The following ITFG1 variants were observed in gnomAD, a reference collection of about 807,000 sequenced individuals.
ITFG1 encodes integrin alpha FG-GAP repeat containing 1.
In ITFG1, 34 loss-of-function variants were observed where a neutral mutation model predicts 81.8. The observed-to-expected ratio is 0.42, with a 90% CI of 0.32 to 0.55. The LOEUF is 0.55. Ranked by LOEUF, ITFG1 falls within the 20% of genes least tolerant of loss-of-function variation. The pLI is 0.17. For missense variants in ITFG1, 672 were observed against 755.4 expected (o/e 0.89, Z 1.29); for synonymous variants, 285 against 270.6 (o/e 1.05, Z -0.52).
chr16:47,197,685 A>G (rs555052791), intron 14 of ITFG1, among the ~76,000 whole-genome samples: 2 of 152,286 alleles, frequency 1.3e-5, no homozygotes, highest in East Asian at 3.9e-4. Flanking sequence ...TGGTAGCTCT[A>G]CATCCCTGGT....
chr16:47,252,264 TA>T (rs1416077732), intron 12 of ITFG1, among the ~76,000 whole-genome samples: 4 of 152,106 alleles, frequency 2.6e-5, no homozygotes, highest in Non-Finnish European at 4.4e-5. Flanking sequence ...AAAACAAAAT[TA>T]ATCATCCAGA....
intron 13 of ITFG1, among the ~76,000 whole-genome samples, chr16:47,231,418 A>C (rs536103876): frequency 1.3e-5 from 2 of 152,370 alleles, no homozygotes; most frequent in East Asian, 3.9e-4. Flanking sequence ...AAAAAATCAG[A>C]AAACAGGAAT....
At chr16:47,365,067 A>G (rs1180556946) in intron 8 of ITFG1, among the ~76,000 whole-genome samples, 1 of 152,194 alleles carries the variant, frequency 6.6e-6, no homozygotes, top group Non-Finnish European at 1.5e-5. Flanking sequence ...AGAGGTGGAT[A>G]TTACTGTCAT....
chr16:47,420,214 T>C (rs894862507), intron 6 of ITFG1, among the ~76,000 whole-genome samples: 6 of 152,222 alleles, frequency 3.9e-5, no homozygotes, highest in Admixed American at 3.9e-4. Context: ...CTTGATATGA[T>C]GCCAATTTTT....
At chr16:47,167,688 A>G (rs1368801034) in intron 14 of ITFG1, among the ~76,000 whole-genome samples, 2 of 152,194 alleles carry the variant, frequency 1.3e-5, no homozygotes, top group African/African-American at 4.8e-5. Flanking sequence ...CAGGTGATTA[A>G]AAGCTTTATT....
chr16:47,303,914 G>A lies in ITFG1; in HGVS notation c.1070+7326C>T, dbSNP rs1192874431. ...GAAAGTGCTAGGATTACAGACTTGA[G>A]CCACCACACCTGGCCTGTTAATAAT... is the stretch of plus-strand genomic sequence containing the variant. On this transcript the variant is annotated intron_variant, in intron 10 of 17. Coordinates refer to ENST00000320640, the MANE Select transcript of ITFG1 (RefSeq NM_030790.5). 2.0e-5 allele frequency among the ~76,000 whole-genome samples: 3 copies of A among 152,092 alleles called. No homozygotes were observed. In the East Asian group the frequency reaches 5.8e-4, roughly 29 times the overall value.
At chr16:47,229,288 C>T (rs1596821126) in intron 13 of ITFG1, among the ~76,000 whole-genome samples, 1 of 152,060 alleles carries the variant, frequency 6.6e-6, no homozygotes, top group Middle Eastern at 3.4e-3. Flanking sequence ...TGTCTGAGTG[C>T]CAACCTGAAG....
At position 47,260,556 on chromosome 16, in the gene ITFG1, T is replaced by C. The variant is rs1372429349; in HGVS notation, c.1210A>G (p.Ile404Val). 5.6e-6 allele frequency: 9 copies of C among 1,614,030 alleles called. No individual in the cohort carries two copies. The Admixed American group carries it at 1.0e-4, about 18-fold the overall frequency. Reference sequence around the variant, plus strand: ...AGCTCTGAACTCACATCTTCGTAAATGTCAAAGAAGGTGGCAACCATGGCA... The same window carrying C: ...AGCTCTGAACTCACATCTTCGTAAACGTCAAAGAAGGTGGCAACCATGGCA... ...KDAMVATFFD[I>V]YEDGILDIVV... The change falls in exon 11 of 18, where the codon ATT becomes GTT. Residue 404 changes from isoleucine to valine, a missense_variant. Ile to Val is a conservative substitution (Grantham distance 29, BLOSUM62 3). Around this residue, in one of 3 missense-constraint regions of ITFG1, gnomAD observed 560 missense variants for 625.7 expected, o/e 0.90. Transcript: ENST00000320640.
At chr16:47,156,063 A>G (rs1213811012) in intron 17 of ITFG1, among the ~76,000 whole-genome samples, 2 of 152,230 alleles carry the variant, frequency 1.3e-5, no homozygotes, top group Non-Finnish European at 2.9e-5. Flanking sequence ...CTACTTGAAA[A>G]TAGGAATAAG....
At chr16:47,410,272 C>T (rs1225469505) in intron 6 of ITFG1, among the ~76,000 whole-genome samples, 1 of 151,874 alleles carries the variant, frequency 6.6e-6, no homozygotes, top group African/African-American at 2.4e-5. Context: ...GAGACCCTGT[C>T]TCTAAAAAAA....
At chr16:47,324,322 A>G (rs929769729) in intron 8 of ITFG1, among the ~76,000 whole-genome samples, 1 of 151,976 alleles carries the variant, frequency 6.6e-6, no homozygotes, top group Non-Finnish European at 1.5e-5. Context: ...GCCCTAAAAG[A>G]GCTCCTGAAG....
intron 5 of ITFG1, among the ~76,000 whole-genome samples, chr16:47,436,486 T>C (rs1015175541): frequency 6.6e-6 from 1 of 152,106 alleles, no homozygotes; most frequent in Admixed American, 6.5e-5. Context: ...TTTTTAAGAG[T>C]GATGAACAAA....
chr16:47,211,705 C>T (rs967165300), intron 14 of ITFG1, among the ~76,000 whole-genome samples: 48 of 152,256 alleles, frequency 3.2e-4, no homozygotes, highest in African/African-American at 1.1e-3. Flanking sequence ...ATTTTTATGA[C>T]AGTTTTTATC....
intron 12 of ITFG1, among the ~76,000 whole-genome samples, chr16:47,249,056 T>A (rs2151538056): frequency 6.6e-6 from 1 of 152,370 alleles, no homozygotes; most frequent in Admixed American, 6.5e-5. Context: ...CTAGCTAATT[T>A]TGGCTAACTC....
intron 6 of ITFG1, among the ~76,000 whole-genome samples, chr16:47,414,819 CAAAAT>C (rs965108640): frequency 6.6e-6 from 1 of 152,020 alleles, no homozygotes; most frequent in Admixed American, 6.5e-5. Flanking sequence ...TTAAATAATT[CAAAAT>C]AAAATAAAAT....
intron 15 of ITFG1, among the ~76,000 whole-genome samples, chr16:47,162,206 C>T (rs1964817505): frequency 6.6e-6 from 1 of 151,502 alleles, no homozygotes; most frequent in Admixed American, 6.6e-5. Context: ...ATAAATAATA[C>T]ACATATGTAT....
chr16:47,296,339 T>C (rs1966981337), intron 10 of ITFG1, among the ~76,000 whole-genome samples: 1 of 152,230 alleles, frequency 6.6e-6, no homozygotes, highest in East Asian at 1.9e-4. Flanking sequence ...GTTTCCATTT[T>C]CATTCTGTTC....
At chr16:47,282,768 TAAC>T (rs1966463591) in intron 10 of ITFG1, among the ~76,000 whole-genome samples, 1 of 152,174 alleles carries the variant, frequency 6.6e-6, no homozygotes, top group Admixed American at 6.6e-5. Context: ...TTTTTTGACT[TAAC>T]AGCTGTTCTG....
chr16:47,214,717 G>A (rs993061838), intron 14 of ITFG1, among the ~76,000 whole-genome samples: 1 of 152,040 alleles, frequency 6.6e-6, no homozygotes, highest in Non-Finnish European at 1.5e-5. Context: ...GGCTATTCAG[G>A]CTTTGCTAGG....
Sources: allele counts gnomAD v4.1 joint callset (sites outside exome capture counted in the v4.1 genomes callset), GRCh38; gene constraint gnomAD v4.1.1; regional missense constraint gnomAD v4.1.1; transcripts MANE v1.5; gene names NCBI Gene and HGNC (gene_info 2026-07-23, HGNC 2026-07-21).